ZNF804B: variants seen among roughly 807,000 people sequenced by gnomAD.
ZNF804B encodes the protein zinc finger protein 804B.
A neutral mutation model predicts 101.4 loss-of-function variants in ZNF804B; 80 were observed. The ratio of observed to expected loss-of-function variants is 0.79; its 90% CI spans 0.66 to 0.95. The LOEUF (loss-of-function observed/expected upper bound fraction) is 0.95. Among genes scored for constraint, ZNF804B ranks in the 40% least tolerant of loss-of-function variants. The pLI is 0.00. For missense variants in ZNF804B, 1,673 were observed against 1,561.9 expected (o/e 1.07, Z -1.20); for synonymous variants, 622 against 558.8 (o/e 1.11, Z -1.59).
chr7:89,060,399 G>C (rs1425291842), intron 1 of ZNF804B, among the ~76,000 whole-genome samples: 2 of 152,096 alleles, frequency 1.3e-5, no homozygotes, highest in Non-Finnish European at 2.9e-5. Flanking sequence ...TAATGGTAAA[G>C]ATAAAAGCTT....
chr7:89,009,530 C>T (rs1019974983), intron 1 of ZNF804B, among the ~76,000 whole-genome samples: 1 of 152,116 alleles, frequency 6.6e-6, no homozygotes, highest in African/African-American at 2.4e-5. Flanking sequence ...TATGTGTCCC[C>T]TCAAGTTCAA....
At chr7:88,992,746 C>G (rs2116156444) in intron 1 of ZNF804B, among the ~76,000 whole-genome samples, 1 of 152,084 alleles carries the variant, frequency 6.6e-6, no homozygotes, top group African/African-American at 2.4e-5. Flanking sequence ...ATTATATTCA[C>G]AGTCCCAGAT....
chr7:89,106,051 C>T (rs551507952), intron 1 of ZNF804B, among the ~76,000 whole-genome samples: 1 of 152,256 alleles, frequency 6.6e-6, no homozygotes, highest in African/African-American at 2.4e-5. Flanking sequence ...ATGTGTTCAG[C>T]TCTCTGGAAG....
chr7:89,335,493 T>G lies in ZNF804B; in HGVS notation c.2511T>G (p.Thr837=). Reference sequence around the variant, plus strand: ...ATTCTAACTCACAGATTTCCTGTACTGGAAGCAGTAAAAAACCACCTAATT... The same window carrying G: ...ATTCTAACTCACAGATTTCCTGTACGGGAAGCAGTAAAAAACCACCTAATT... ...YCDSNSQISC[T]GSSKKPPNCQ... Residue 837 remains threonine (T), a synonymous_variant, in exon 4 of 4, where the codon ACT becomes ACG. Transcript: ENST00000333190. 1 of 1,613,988 alleles carries G rather than the reference T, an allele frequency of 6.2e-7. No individual in the cohort carries two copies. Among genetic ancestry groups the G allele is most frequent in the Non-Finnish European group, 8.5e-7 (1 of 1,179,936 alleles).
At chr7:88,791,291 T>G (rs939410227) in intron 1 of ZNF804B, among the ~76,000 whole-genome samples, 1 of 152,104 alleles carries the variant, frequency 6.6e-6, no homozygotes, top group Admixed American at 6.6e-5. Flanking sequence ...CTGAAGTGAC[T>G]CCTATACGGG....
intron 1 of ZNF804B, among the ~76,000 whole-genome samples, chr7:89,212,322 C>G (rs1333323027): frequency 6.6e-6 from 1 of 150,696 alleles, no homozygotes; most frequent in Non-Finnish European, 1.5e-5. Flanking sequence ...CATTGAGTAC[C>G]TATATAGGGG....
At chr7:89,323,218 T>G (rs993304668) in intron 2 of ZNF804B, among the ~76,000 whole-genome samples, 1 of 152,212 alleles carries the variant, frequency 6.6e-6, no homozygotes, top group Non-Finnish European at 1.5e-5. Flanking sequence ...TTCCCAGCTT[T>G]CAGAACTGTT....
At chr7:88,802,266 CG>C (rs1790603853) in intron 1 of ZNF804B, among the ~76,000 whole-genome samples, 1 of 151,968 alleles carries the variant, frequency 6.6e-6, no homozygotes, top group Non-Finnish European at 1.5e-5. Context: ...TATAACAGTG[CG>C]AAAGTGAACT....
intron 1 of ZNF804B, among the ~76,000 whole-genome samples, chr7:88,998,354 G>A (rs1003875741): frequency 6.6e-6 from 1 of 152,038 alleles, no homozygotes; most frequent in African/African-American, 2.4e-5. Flanking sequence ...ATGAAAGCAT[G>A]CATGCAGGTG....
rs35561668 is a variant in ZNF804B, at chr7:88,977,288, ATT to A, written c.108+217214_108+217215del. On this transcript the variant is annotated intron_variant, in intron 1 of 3. Coordinates refer to ENST00000333190, the MANE Select transcript of ZNF804B (RefSeq NM_181646.5). ...GTTTGGAAGTATTCCTTCATCCTCTATTTTTTTTTTTGAATAGTTTGGGTAGC... is the reference window on the plus strand; with the variant it reads ...GTTTGGAAGTATTCCTTCATCCTCTATTTTTTTTTGAATAGTTTGGGTAGC... 2.1e-3 allele frequency among the ~76,000 whole-genome samples: 299 copies of A among 143,786 alleles called. 1 individual carries two copies. The highest frequency in any genetic ancestry group is 3.6e-3 in the Non-Finnish European group (230 of 64,482). The allele number at this position is 143,786 out of a possible 152,430, so 94.3% of individuals were successfully genotyped here.
intron 1 of ZNF804B, among the ~76,000 whole-genome samples, chr7:88,925,544 G>A (rs1792784597): frequency 6.6e-6 from 1 of 152,174 alleles, no homozygotes; most frequent in Admixed American, 6.6e-5. Context: ...CACAGAGAAA[G>A]TGGTCATCTG....
rs200594528 is a variant in ZNF804B at position 89,334,911 on chromosome 7, T to C, written c.1929T>C (p.Ser643=). The C allele has an allele frequency of 1.2e-6, 2 of 1,613,760 alleles. No homozygotes were observed. The highest frequency in any genetic ancestry group is 1.3e-5 in the African/African-American group (1 of 74,992). The change falls in exon 4 of 4, where the codon AGT becomes AGC. Residue 643 remains serine, a synonymous_variant. Coordinates refer to ENST00000333190, the MANE Select transcript of ZNF804B (RefSeq NM_181646.5). Reference sequence around the variant, plus strand: ...AAAAGCATAAATTGATTCCCTGCAGTCCTCATTTGGAATTTGAAGATGAAA... The same window carrying C: ...AAAAGCATAAATTGATTCCCTGCAGCCCTCATTTGGAATTTGAAGATGAAA... ...RFKKHKLIPC[S]PHLEFEDERQ... is the part of the protein sequence containing the mutation.
intron 1 of ZNF804B, among the ~76,000 whole-genome samples, chr7:88,920,587 G>T (rs1308749434): frequency 6.6e-6 from 1 of 151,808 alleles, no homozygotes; most frequent in Admixed American, 6.6e-5. Context: ...AGAGTTCCAG[G>T]CTTCATTACC....
intron 1 of ZNF804B, among the ~76,000 whole-genome samples, chr7:89,146,589 T>C (rs1420065675): frequency 6.6e-6 from 1 of 152,072 alleles, no homozygotes; most frequent in Non-Finnish European, 1.5e-5. Context: ...CTTGAAATAT[T>C]TCAGAAGTTC....
intron 1 of ZNF804B, among the ~76,000 whole-genome samples, chr7:88,915,175 C>T (rs1360358171): frequency 6.6e-6 from 1 of 151,972 alleles, no homozygotes; most frequent in Middle Eastern, 3.2e-3. Flanking sequence ...AGAGTTTCTT[C>T]TATTACTGAT....
At chr7:88,873,802 G>C (rs1791879325) in intron 1 of ZNF804B, among the ~76,000 whole-genome samples, 1 of 152,084 alleles carries the variant, frequency 6.6e-6, no homozygotes, top group African/African-American at 2.4e-5. Flanking sequence ...TTATTTCTGA[G>C]GGCTCTGTTC....
intron 2 of ZNF804B, among the ~76,000 whole-genome samples, chr7:89,241,892 T>C (rs1303874142): frequency 6.6e-6 from 1 of 151,250 alleles, no homozygotes; most frequent in Non-Finnish European, 1.5e-5. Context: ...TCTACCTTTT[T>C]CTTTTTTTTT....
At position 89,099,542 on chromosome 7, in the gene ZNF804B, G is replaced by A. The variant is rs558208783; in HGVS notation, c.109-118613G>A. On this transcript the variant is annotated intron_variant, in intron 1 of 3. Coordinates refer to ENST00000333190, the MANE Select transcript of ZNF804B (RefSeq NM_181646.5). ...CTAATGTGACAAACAAGAGGAGTTC[G>A]CAGTTCAGGTAGACGGTGGGCTTCA... 3.3e-4 allele frequency among the ~76,000 whole-genome samples: 50 copies of A among 152,226 alleles called. No homozygotes were observed. The South Asian group carries it at 7.5e-3, about 23-fold the overall frequency.
At chr7:89,215,902 A>AATACATAC (rs1376334761) in intron 1 of ZNF804B, among the ~76,000 whole-genome samples, 9 of 149,698 alleles carry the variant, frequency 6.0e-5, no homozygotes, top group African/African-American at 2.2e-4. Flanking sequence ...TAAATAAATA[A>AATACATAC]ATAAATAAAT....
Sources: gnomAD v4.1 joint callset for allele counts (sites outside exome capture counted in the v4.1 genomes callset) on GRCh38, gnomAD v4.1.1 for gene constraint, MANE v1.5 for transcripts, NCBI Gene and HGNC (gene_info 2026-07-23, HGNC 2026-07-21) for gene names.